The following CSMD1 variants were observed in gnomAD, a reference collection of about 807,000 sequenced individuals.
CSMD1 encodes the protein CUB and sushi domain-containing protein 1.
In CSMD1, 213 loss-of-function variants were observed where a neutral mutation model predicts 417.5. The observed-to-expected ratio is 0.51, with a 90% CI of 0.46 to 0.57. CSMD1 has a LOEUF of 0.57. Ranked by LOEUF, CSMD1 falls within the 20% of genes least tolerant of loss-of-function variation. The pLI, the probability that CSMD1 is intolerant of heterozygous loss-of-function variation, is 0.00. For synonymous variants in CSMD1, 2,862 were observed against 1,736.8 expected (o/e 1.65, Z -16.11); for missense variants, 6,923 against 4,529.7 (o/e 1.53, Z -15.17).
intron 1 of CSMD1, among the ~76,000 whole-genome samples, chr8:4,640,068 C>T (rs913604011): frequency 2.6e-5 from 4 of 152,158 alleles, no homozygotes; most frequent in Non-Finnish European, 5.9e-5. Flanking sequence ...AAAACGTCAA[C>T]TGGAAAGTAG....
chr8:3,385,614 T>C (rs1810959698), intron 18 of CSMD1, among the ~76,000 whole-genome samples: 1 of 152,184 alleles, frequency 6.6e-6, no homozygotes, highest in African/African-American at 2.4e-5. Context: ...AAGAGTTTAC[T>C]ATTAATTATG....
chr8:3,429,664 T>C (rs1814090342), intron 12 of CSMD1, among the ~76,000 whole-genome samples: 1 of 152,214 alleles, frequency 6.6e-6, no homozygotes, highest in Non-Finnish European at 1.5e-5. Context: ...ATTGCACACT[T>C]TTGAATATCT....
At chr8:3,337,534 G>C (rs1470528952) in intron 23 of CSMD1, among the ~76,000 whole-genome samples, 2 of 152,158 alleles carry the variant, frequency 1.3e-5, no homozygotes, top group African/African-American at 2.4e-5. Flanking sequence ...AATGACAGAG[G>C]ATGTTCTCGG....
chr8:3,218,925 G>C (rs897765321), intron 29 of CSMD1, among the ~76,000 whole-genome samples: 6 of 152,022 alleles, frequency 3.9e-5, no homozygotes, highest in Non-Finnish European at 7.4e-5. Context: ...TAATCATCTT[G>C]AAGAAACAAA....
Position 3,018,547 on chromosome 8 carries a change from C to G in CSMD1, c.7959G>C (p.Thr2653=). The part of the protein sequence containing the change: ...TAIFTCNTGY[T]LVGSHVRECL... ...ACTCTCTGACATGAGACCCCACAAG[C>G]GTGTAGCCGGTGTTGCACGTAAATA... is the stretch of plus-strand genomic sequence containing the variant. Residue 2653 remains threonine, a synonymous_variant, in exon 52 of 70, where the codon ACG becomes ACC. Coordinates refer to ENST00000635120, the MANE Select transcript of CSMD1 (RefSeq NM_033225.6). 1.9e-6 allele frequency: 3 copies of G among 1,613,750 alleles called. No homozygotes were observed. The highest frequency in any genetic ancestry group is 1.7e-6 in the Non-Finnish European group (2 of 1,179,854).
At chr8:3,486,688 C>A (rs551307564) in intron 11 of CSMD1, among the ~76,000 whole-genome samples, 1 of 152,348 alleles carries the variant, frequency 6.6e-6, no homozygotes, top group East Asian at 1.9e-4. Flanking sequence ...GGCTCCGATT[C>A]CTGTGGGACC....
chr8:4,814,651 G>T (rs957988066), intron 1 of CSMD1, among the ~76,000 whole-genome samples: 1 of 152,122 alleles, frequency 6.6e-6, no homozygotes, highest in African/African-American at 2.4e-5. Context: ...CTGTATACTA[G>T]TAGGAGACTT....
At chr8:3,976,568 T>C (rs184250975) in intron 5 of CSMD1, among the ~76,000 whole-genome samples, 11 of 152,334 alleles carry the variant, frequency 7.2e-5, no homozygotes, top group African/African-American at 2.6e-4. Context: ...TTCTCAGCAA[T>C]TAAGACAAAG....
At position 4,810,991 on chromosome 8, in the gene CSMD1, G is replaced by T. The variant is rs112448195; in HGVS notation, c.86-173433C>A. Among the ~76,000 whole-genome samples, 614 of 152,298 alleles carry T rather than the reference G, an allele frequency of 4.0e-3. 10 individuals carry two copies. Among genetic ancestry groups the T allele is most frequent in the African/African-American group, 0.014 (567 of 41,570 alleles). On this transcript the variant is annotated intron_variant, in intron 1 of 69. Transcript: ENST00000635120. ...ACAAGAAAGTAAAGAGATATTTGTT[G>T]TAAGAGTTTCATTTTCTGTACTATT...
chr8:3,736,471 T>G (rs1034179089), intron 6 of CSMD1, among the ~76,000 whole-genome samples: 4 of 152,110 alleles, frequency 2.6e-5, no homozygotes, highest in Admixed American at 6.5e-5. Context: ...TCTCGAAATC[T>G]TGGGCTGAAG....
intron 3 of CSMD1, among the ~76,000 whole-genome samples, chr8:4,086,621 C>T (rs543797743): frequency 4.6e-5 from 7 of 152,282 alleles, no homozygotes; most frequent in Admixed American, 2.0e-4. Context: ...AATGCAGACG[C>T]GAGACTTTTC....
chr8:4,600,856 A>T (rs1800542054), intron 2 of CSMD1, among the ~76,000 whole-genome samples: 1 of 152,214 alleles, frequency 6.6e-6, no homozygotes, highest in African/African-American at 2.4e-5. Context: ...TGACTTTAAA[A>T]GGTTTGCTTA....
chr8:3,438,823 A>C (rs977493353), intron 12 of CSMD1, among the ~76,000 whole-genome samples: 1 of 152,066 alleles, frequency 6.6e-6, no homozygotes, highest in Non-Finnish European at 1.5e-5. Context: ...TAGCTCTTAT[A>C]AGAAATTGCT....
At chr8:4,055,692 T>G (rs1224069205) in intron 3 of CSMD1, among the ~76,000 whole-genome samples, 1 of 152,146 alleles carries the variant, frequency 6.6e-6, no homozygotes, top group Non-Finnish European at 1.5e-5. Context: ...CAATATACTT[T>G]GAAAAATCAC....
At chr8:4,030,537 A>T (rs1797289766) in intron 4 of CSMD1, among the ~76,000 whole-genome samples, 1 of 152,148 alleles carries the variant, frequency 6.6e-6, no homozygotes, top group African/African-American at 2.4e-5. Flanking sequence ...TGTACACAGC[A>T]TGGGGACCCT....
At chr8:3,295,772 T>G (rs529229115) in intron 25 of CSMD1, among the ~76,000 whole-genome samples, 5 of 152,168 alleles carry the variant, frequency 3.3e-5, no homozygotes, top group East Asian at 1.9e-4. Flanking sequence ...TATAGAAAAT[T>G]TGATGGTTGT....
At chr8:4,294,917 C>T (rs938182592) in intron 3 of CSMD1, among the ~76,000 whole-genome samples, 1 of 151,518 alleles carries the variant, frequency 6.6e-6, no homozygotes, top group East Asian at 2.0e-4. Flanking sequence ...CCTCAGGTAA[C>T]CATGTGGTCC....
intron 1 of CSMD1, among the ~76,000 whole-genome samples, chr8:4,982,901 G>T (rs542079867): frequency 1.7e-4 from 26 of 152,160 alleles, no homozygotes; most frequent in African/African-American, 3.4e-4. Context: ...AGTTGTAAAA[G>T]AAAGAGACTG....
chr8:3,403,240 C>G (rs748684611), intron 15 of CSMD1, among the ~76,000 whole-genome samples: 5 of 152,170 alleles, frequency 3.3e-5, no homozygotes, highest in Non-Finnish European at 5.9e-5. Context: ...GGGATGTGAG[C>G]TTCTTCAAAC....
Sources: allele counts gnomAD v4.1 joint callset (sites outside exome capture counted in the v4.1 genomes callset), GRCh38; gene constraint gnomAD v4.1.1; transcripts MANE v1.5; gene names NCBI Gene and HGNC (gene_info 2026-07-23, HGNC 2026-07-21).